Variants in ANKDD1B observed in about 807,000 individuals in gnomAD.
The protein encoded by ANKDD1B is ankyrin repeat and death domain-containing protein 1B.
ANKDD1B carries 57 observed loss-of-function variants against 59.7 expected under a neutral mutation model. The ratio of observed to expected loss-of-function variants is 0.95; its 90% CI spans 0.77 to 1.19. ANKDD1B has a LOEUF of 1.19. Among genes scored for constraint, ANKDD1B ranks in the 50% most tolerant of loss-of-function variants. The pLI is 0.00. For missense variants in ANKDD1B, 602 were observed against 641.9 expected (o/e 0.94, Z 0.67); for synonymous variants, 216 against 239.5 (o/e 0.90, Z 0.91).
intron 5 of ANKDD1B, among the ~76,000 whole-genome samples, chr5:75,634,225 T>A (rs567635246): frequency 2.0e-5 from 3 of 152,234 alleles, no homozygotes; most frequent in Non-Finnish European, 4.4e-5. Flanking sequence ...GTAGGAGGAA[T>A]TCCATAATCA....
intron 2 of ANKDD1B, among the ~76,000 whole-genome samples, chr5:75,618,411 A>G (rs1048120643): frequency 7.2e-5 from 11 of 152,182 alleles, no homozygotes; most frequent in Admixed American, 7.2e-4. Flanking sequence ...TTAATATTAA[A>G]GTACTTGGGA....
chr5:75,619,283 C>T (rs1042312681), intron 2 of ANKDD1B, among the ~76,000 whole-genome samples: 3 of 152,238 alleles, frequency 2.0e-5, no homozygotes, highest in Admixed American at 6.5e-5. Flanking sequence ...TCTGCAAGGA[C>T]ATCTGTGCAG....
intron 11 of ANKDD1B, among the ~76,000 whole-genome samples, chr5:75,663,827 G>A (rs1775230782): frequency 6.6e-6 from 1 of 152,190 alleles, no homozygotes; most frequent in Non-Finnish European, 1.5e-5. Flanking sequence ...GCTATTCCCA[G>A]TAGCACGAAT....
intron 10 of ANKDD1B, 124 bp from the exon 11 acceptor site, chr5:75,663,270 G>A (rs1490156333): frequency 4.2e-6 from 3 of 708,636 alleles, no homozygotes; most frequent in African/African-American, 1.8e-5. Flanking sequence ...GCAAAGGACT[G>A]GCCTAAGTTT....
intron 3 of ANKDD1B, among the ~76,000 whole-genome samples, chr5:75,625,124 G>T (rs1773956050): frequency 6.6e-6 from 1 of 152,048 alleles, no homozygotes; most frequent in South Asian, 2.1e-4. Flanking sequence ...GGGATTGCTG[G>T]TTGTATTTTT....
chr5:75,619,663 G>A (rs1446736813), intron 2 of ANKDD1B, among the ~76,000 whole-genome samples: 3 of 152,152 alleles, frequency 2.0e-5, no homozygotes, highest in African/African-American at 4.8e-5. Context: ...TATCACTTCC[G>A]AGCATAACTT....
At chr5:75,659,224 A>C in intron 9 of ANKDD1B, 59 bp from the exon 10 acceptor site, 1 of 1,259,092 alleles carries the variant, frequency 7.9e-7, no homozygotes, top group Non-Finnish European at 1.1e-6. Context: ...TAGGATGGCT[A>C]TACTTTCCAT....
At chr5:75,634,243 C>A (rs1216238904) in intron 5 of ANKDD1B, among the ~76,000 whole-genome samples, 1 of 152,190 alleles carries the variant, frequency 6.6e-6, no homozygotes, top group Non-Finnish European at 1.5e-5. Context: ...TCAGAAAATT[C>A]TATATTTGAG....
intron 3 of ANKDD1B, 61 bp downstream of exon 3, chr5:75,620,474 A>T: frequency 1.1e-6 from 1 of 903,960 alleles, no homozygotes; most frequent in Non-Finnish European, 1.7e-6. Flanking sequence ...GAATCTGATC[A>T]TTCCAGTTAG....
intron 3 of ANKDD1B, among the ~76,000 whole-genome samples, chr5:75,623,330 G>T (rs954463401): frequency 3.3e-5 from 5 of 152,160 alleles, no homozygotes; most frequent in African/African-American, 1.2e-4. Context: ...CTCCCAAAGT[G>T]CTGGGATTAC....
At chr5:75,633,310 T>C (rs1209094118) in intron 5 of ANKDD1B, among the ~76,000 whole-genome samples, 2 of 152,206 alleles carry the variant, frequency 1.3e-5, no homozygotes, top group Non-Finnish European at 2.9e-5. Flanking sequence ...GGTGAACTTT[T>C]TGGTGCAAAT....
At chr5:75,623,688 C>T (rs929977279) in intron 3 of ANKDD1B, among the ~76,000 whole-genome samples, 13 of 152,084 alleles carry the variant, frequency 8.5e-5, no homozygotes, top group Non-Finnish European at 4.4e-5. Context: ...AATTCTTTGT[C>T]GTTGGGGCTG....
In ANKDD1B at chr5:75,659,301, C is replaced by T. The variant is rs1374202217; in HGVS notation, c.1015C>T (p.His339Tyr). 6.5e-7 allele frequency: 1 copy of T among 1,535,918 alleles called. No homozygotes were observed. Among genetic ancestry groups the T allele is most frequent in the Non-Finnish European group, 8.7e-7 (1 of 1,146,736 alleles). Reference sequence around the variant, plus strand: ...ATGGCAGAAGCAGCAAACCCCTCTGCATGTAGCTGCTGATCGTGGAAATGT... The same window carrying T: ...ATGGCAGAAGCAGCAAACCCCTCTGTATGTAGCTGCTGATCGTGGAAATGT... ...ILNQKQQTPL[H>Y]VAADRGNVEL... The change falls in exon 10 of 14, where the codon CAT becomes TAT. Residue 339 changes from histidine to tyrosine, a missense_variant. Transcript: ENST00000601380.
intron 10 of ANKDD1B, among the ~76,000 whole-genome samples, chr5:75,661,551 T>G (rs1029047636): frequency 2.0e-5 from 3 of 152,220 alleles, no homozygotes; most frequent in Admixed American, 2.0e-4. Context: ...TAATTTGGTT[T>G]AACATTTAGC....
intron 10 of ANKDD1B, 22 bp from the exon 11 acceptor site, chr5:75,663,372 T>G (rs1219587142): frequency 3.9e-6 from 6 of 1,527,462 alleles, no homozygotes; most frequent in Non-Finnish European, 5.3e-6. Flanking sequence ...TCACCTGAAT[T>G]TTTTTTCTTT....
intron 10 of ANKDD1B, among the ~76,000 whole-genome samples, chr5:75,659,782 A>G (rs1775074034): frequency 6.6e-6 from 1 of 152,184 alleles, no homozygotes; most frequent in Non-Finnish European, 1.5e-5. Flanking sequence ...TGCATATGCA[A>G]GCAAACATAA....
intron 1 of ANKDD1B, 118 bp downstream of exon 1, chr5:75,611,945 G>A (rs1436939387): frequency 4.6e-6 from 4 of 874,510 alleles, no homozygotes; most frequent in Non-Finnish European, 6.0e-6. Context: ...CTGGCGAGGC[G>A]ACTCAGCCCT....
At chr5:75,631,383 C>G (rs969821629) in intron 5 of ANKDD1B, among the ~76,000 whole-genome samples, 7 of 152,152 alleles carry the variant, frequency 4.6e-5, no homozygotes, top group African/African-American at 1.7e-4. Context: ...GATAAAATTA[C>G]CTCTAATTGG....
chr5:75,629,140 T>C (rs1774074720), intron 5 of ANKDD1B, among the ~76,000 whole-genome samples: 1 of 152,162 alleles, frequency 6.6e-6, no homozygotes, highest in Non-Finnish European at 1.5e-5. Flanking sequence ...TGTTTTCTTA[T>C]ATAGACCCAA....
Sources: gnomAD v4.1 joint callset for allele counts (sites outside exome capture counted in the v4.1 genomes callset) on GRCh38, gnomAD v4.1.1 for gene constraint, MANE v1.5 for transcripts, NCBI Gene and HGNC (gene_info 2026-07-23, HGNC 2026-07-21) for gene names.